Variants in RNF220 observed in about 807,000 individuals in gnomAD.
RNF220 encodes the protein E3 ubiquitin-protein ligase RNF220.
Under a neutral mutation model 67.1 loss-of-function variants are expected in RNF220, and 7 were observed. That is an observed-to-expected ratio of 0.10 (90% CI 0.06 to 0.20). The LOEUF is 0.20. RNF220 is among the 10% of genes least tolerant of loss of function. The pLI, the probability that RNF220 is intolerant of heterozygous loss-of-function variation, is 1.00. For synonymous variants in RNF220, 270 were observed against 283.2 expected (o/e 0.95, Z 0.47); for missense variants, 565 against 740.3 (o/e 0.76, Z 2.75).
intron 2 of RNF220, among the ~76,000 whole-genome samples, chr1:44,564,563 GC>G (rs1409219122): frequency 6.6e-6 from 1 of 151,936 alleles, no homozygotes; most frequent in Non-Finnish European, 1.5e-5. Flanking sequence ...GATCAGCCTG[GC>G]CCACATGGTG....
At chr1:44,426,186 T>C (rs1292296310) in intron 2 of RNF220, among the ~76,000 whole-genome samples, 2 of 152,210 alleles carry the variant, frequency 1.3e-5, no homozygotes, top group Non-Finnish European at 2.9e-5. Flanking sequence ...TCTATTCCTA[T>C]TTTGTGGAGG....
intron 2 of RNF220, among the ~76,000 whole-genome samples, chr1:44,480,336 C>T (rs571577427): frequency 1.3e-5 from 2 of 152,052 alleles, no homozygotes; most frequent in African/African-American, 2.4e-5. Context: ...GAGCCTGGGA[C>T]GTAAAGGCTG....
intron 2 of RNF220, among the ~76,000 whole-genome samples, chr1:44,454,361 G>A (rs1201309435): frequency 1.3e-5 from 2 of 151,932 alleles, no homozygotes; most frequent in Non-Finnish European, 2.9e-5. Flanking sequence ...GTAAATTTAT[G>A]TATACTGGAA....
At chr1:44,632,197 G>A (rs1245224424) in intron 5 of RNF220, 146 bp from the exon 6 acceptor site, 3 of 1,594,664 alleles carry the variant, frequency 1.9e-6, no homozygotes, top group East Asian at 4.5e-5. Context: ...AGGGGCCGGC[G>A]GGAGGGAGGA....
At chr1:44,599,392 G>A (rs1164383547) in intron 2 of RNF220, among the ~76,000 whole-genome samples, 3 of 152,184 alleles carry the variant, frequency 2.0e-5, no homozygotes, top group Admixed American at 6.5e-5. Context: ...AATAAATAGG[G>A]TCAGGCGCGG....
intron 2 of RNF220, among the ~76,000 whole-genome samples, chr1:44,585,385 G>T (rs368682888): frequency 6.6e-6 from 1 of 152,080 alleles, no homozygotes; most frequent in Non-Finnish European, 1.5e-5. Flanking sequence ...CTAAGACAAC[G>T]GCAATCCCTC....
chr1:44,463,616 CCTT>C (rs1487346511), intron 2 of RNF220, among the ~76,000 whole-genome samples: 4 of 152,018 alleles, frequency 2.6e-5, no homozygotes, highest in Non-Finnish European at 4.4e-5. Flanking sequence ...CCCATATCCT[CCTT>C]ATCTGCCTGG....
chr1:44,461,889 A>G (rs1653792899), intron 2 of RNF220, among the ~76,000 whole-genome samples: 1 of 151,292 alleles, frequency 6.6e-6, no homozygotes. Flanking sequence ...ATACAATTGT[A>G]AATGTATCAT....
At chr1:44,582,616 G>A (rs1423786637) in intron 2 of RNF220, among the ~76,000 whole-genome samples, 1 of 151,434 alleles carries the variant, frequency 6.6e-6, no homozygotes, top group Non-Finnish European at 1.5e-5. Flanking sequence ...AATTAGCTGG[G>A]CGTGGTGGCA....
chr1:44,491,873 A>G (rs1656887277), intron 2 of RNF220, among the ~76,000 whole-genome samples: 2 of 152,286 alleles, frequency 1.3e-5, no homozygotes, highest in South Asian at 4.1e-4. Context: ...CATGTTGGCC[A>G]GGCTGGGCTT....
At chr1:44,406,773 G>A (rs956239963) in intron 1 of RNF220, among the ~76,000 whole-genome samples, 1 of 151,822 alleles carries the variant, frequency 6.6e-6, no homozygotes, top group Non-Finnish European at 1.5e-5. Flanking sequence ...TTTTCTTCCA[G>A]GGCACAACAA....
rs139872793 is a variant in RNF220, at chr1:44,635,270, G to C, written c.950-275G>C. 516 of 416,922 alleles carry C rather than the reference G, an allele frequency of 1.2e-3. 4 individuals are homozygous for C. Among genetic ancestry groups the C allele is most frequent in the African/African-American group, 9.5e-3 (484 of 50,716 alleles). The allele number at this position is 416,922 out of a possible 1,614,324, so 25.8% of individuals were successfully genotyped here. A position where few individuals can be genotyped will look rare whatever the true frequency, so the allele number is the denominator to read the frequency against. ...GCTCACTGGATTTTTATTAAACACT[G>C]CAAATAGAAAGGTATGGGTAGACCT... On this transcript the variant is annotated intron_variant, in intron 6 of 14. Transcript: ENST00000361799.
At chr1:44,468,627 C>A (rs1240045623) in intron 2 of RNF220, among the ~76,000 whole-genome samples, 2 of 151,978 alleles carry the variant, frequency 1.3e-5, no homozygotes, top group Non-Finnish European at 2.9e-5. Context: ...GAATAGAATT[C>A]TTTAGGCCAG....
At position 44,647,264 on chromosome 1, in the gene RNF220, C is replaced by T. The variant is rs529610321; in HGVS notation, c.1445+1776C>T. ...CAGGCCTTAGTTTCCCCATCTTTGACATAACTATATAGGACTAGGCAAATT... is the reference window on the plus strand; with the variant it reads ...CAGGCCTTAGTTTCCCCATCTTTGATATAACTATATAGGACTAGGCAAATT... On this transcript the variant is annotated intron_variant, in intron 12 of 14. Transcript: ENST00000361799. Among the ~76,000 whole-genome samples the T allele has an allele frequency of 1.1e-4, 17 of 152,302 alleles. No individual in the cohort carries two copies. In the South Asian group the frequency reaches 3.5e-3, roughly 32 times the overall value.
chr1:44,632,442 TC>T, intron 6 of RNF220, 57 bp downstream of exon 6: 1 of 1,017,058 alleles, frequency 9.8e-7, no homozygotes, highest in Non-Finnish European at 1.2e-6. Flanking sequence ...CCTCCCTCCC[TC>T]ACTGCCTGCC....
intron 2 of RNF220, among the ~76,000 whole-genome samples, chr1:44,594,384 G>A (rs979913350): frequency 3.3e-5 from 5 of 151,924 alleles, no homozygotes; most frequent in East Asian, 1.9e-4. Context: ...CCTTCCCCAC[G>A]TCCCAGGAAG....
rs116503928 is a variant in RNF220, at chr1:44,645,070, C to T, written c.1299C>T (p.Gly433=). 8,983 of 1,614,076 alleles carry T rather than the reference C, an allele frequency of 5.6e-3. 44 individuals are homozygous for T. The highest frequency in any genetic ancestry group is 8.6e-3 in the South Asian group (784 of 91,078). ...GEAKEREALR[G]AVLNGGPPST... is the part of the protein sequence containing the mutation. ...CCAAGGAGAGAGAGGCACTTCGGGGCGCAGTCCTAAAGCAAGTGTGGGCAC... is the reference window on the plus strand; with the variant it reads ...CCAAGGAGAGAGAGGCACTTCGGGGTGCAGTCCTAAAGCAAGTGTGGGCAC... The change falls in exon 10 of 15, where the codon GGC becomes GGT. Residue 433 remains glycine (G), a synonymous_variant. Coordinates refer to ENST00000361799, the MANE Select transcript of RNF220 (RefSeq NM_018150.4). This position sits in a 1 kb window ranked among gnomAD's most constrained non-coding sequence, Gnocchi z 5.0.
At chr1:44,573,481 G>A (rs1177487364) in intron 2 of RNF220, among the ~76,000 whole-genome samples, 3 of 152,188 alleles carry the variant, frequency 2.0e-5, no homozygotes, top group Non-Finnish European at 4.4e-5. Flanking sequence ...ACCTAGCAGT[G>A]GGCATCATGG....
At chr1:44,520,887 A>G (rs932530506) in intron 2 of RNF220, among the ~76,000 whole-genome samples, 1 of 152,040 alleles carries the variant, frequency 6.6e-6, no homozygotes, top group Non-Finnish European at 1.5e-5. Context: ...TGATCTAATA[A>G]TGTGATTTGT....
Sources: gnomAD v4.1 joint callset for allele counts (sites outside exome capture counted in the v4.1 genomes callset) on GRCh38, gnomAD v4.1.1 for gene constraint, Gnocchi (gnomAD v3.1) non-coding constraint, MANE v1.5 for transcripts, NCBI Gene and HGNC (gene_info 2026-07-23, HGNC 2026-07-21) for gene names.